HS3ST6: variants seen among roughly 807,000 people sequenced by gnomAD.
HS3ST6 encodes the protein heparan sulfate glucosamine 3-O-sulfotransferase 6.
HS3ST6 carries 13 observed loss-of-function variants against 11.0 expected under a neutral mutation model. The ratio of observed to expected loss-of-function variants is 1.18; its 90% CI spans 0.77 to 1.88. The LOEUF (loss-of-function observed/expected upper bound fraction) is 1.88. HS3ST6 is among the 40% of genes most tolerant of loss of function. The pLI is 0.00. For missense variants in HS3ST6, 541 were observed against 494.4 expected (o/e 1.09, Z -0.89); for synonymous variants, 232 against 230.6 (o/e 1.01, Z -0.06).
At position 1,912,002 on chromosome 16, in the gene HS3ST6, G is replaced by C. The variant is rs762751833; in HGVS notation, c.617C>G (p.Ala206Gly). Residue 206 changes from alanine to glycine, a missense_variant, in exon 2 of 2, where the codon GCC becomes GGC. Physicochemically the swap from Ala to Gly is moderately conservative, Grantham distance 60 (BLOSUM62 0). Transcript: ENST00000454677. The surrounding 1 kb of genome is among the most constrained non-coding windows in gnomAD (Gnocchi z 5.6). ...GCCCAGGCCGTGGCGGAAGGCCAGGGCGCGGAAGCTGGGCAGGCCCGGGGT... is the reference window on the plus strand; with the variant it reads ...GCCCAGGCCGTGGCGGAAGGCCAGGCCGCGGAAGCTGGGCAGGCCCGGGGT... ...SKTPGLPSFR[A>G]LAFRHGLGPV... 5 of 1,532,658 alleles carry C rather than the reference G, an allele frequency of 3.3e-6. No individual in the cohort carries two copies. Among genetic ancestry groups the C allele is most frequent in the Admixed American group, 4.2e-5 (2 of 47,912 alleles). 94.9% of individuals were successfully genotyped at this position (1,532,658 alleles called of 1,614,324 possible).
intron 1 of HS3ST6, among the ~76,000 whole-genome samples, chr16:1,913,015 C>A (rs1383700947): frequency 2.0e-5 from 3 of 152,206 alleles, no homozygotes; most frequent in Admixed American, 2.0e-4. Flanking sequence ...TGGTCTCGAA[C>A]TCCTGACCTC....
At position 1,912,021 on chromosome 16, in the gene HS3ST6, C is replaced by A; in HGVS notation, c.598G>T (p.Gly200Cys). The A allele has an allele frequency of 2.0e-6, 3 of 1,527,372 alleles. No homozygotes were observed. The South Asian group carries it at 3.9e-5, about 20-fold the overall frequency. The allele number at this position is 1,527,372 out of a possible 1,614,324, so 94.6% of individuals were successfully genotyped here. ...GCCAGGGCGCGGAAGCTGGGCAGGCCCGGGGTCTTGGAGAGCGTCTGGGCG... is the reference window on the plus strand; with the variant it reads ...GCCAGGGCGCGGAAGCTGGGCAGGCACGGGGTCTTGGAGAGCGTCTGGGCG... ...DYAQTLSKTP[G>C]LPSFRALAFR... is the part of the protein sequence containing the mutation. The change falls in exon 2 of 2, where the codon GGC becomes TGC. Residue 200 changes from glycine (G) to cysteine (C), a missense_variant. By Grantham distance (159) the Gly-to-Cys change is radical. Coordinates refer to ENST00000454677, the MANE Select transcript of HS3ST6 (RefSeq NM_001009606.4). This position sits in a 1 kb window ranked among gnomAD's most constrained non-coding sequence, Gnocchi z 5.6.
chr16:1,916,127 AG>A (rs1446037838), intron 1 of HS3ST6, among the ~76,000 whole-genome samples: 1 of 58,324 alleles, frequency 1.7e-5, no homozygotes, highest in East Asian at 7.5e-4. Context: ...ACGGAGGCAC[AG>A]GCACCTAGGA....
At chr16:1,919,827 T>A (rs2082951488), upstream of HS3ST6, among the ~76,000 whole-genome samples, 1 of 152,232 alleles carries the variant, frequency 6.6e-6, no homozygotes, top group East Asian at 1.9e-4. Context: ...CACCTGCTCA[T>A]CTGGGCAAGC....
In HS3ST6 at chr16:1,912,303, C is replaced by T; in HGVS notation, c.414-98G>A. The T allele has an allele frequency of 9.0e-7, 1 of 1,111,484 alleles. No individual in the cohort carries two copies. The highest frequency in any genetic ancestry group is 1.2e-6 in the Non-Finnish European group (1 of 866,212). The allele number at this position is 1,111,484 out of a possible 1,614,324, so 68.9% of individuals were successfully genotyped here. On this transcript the variant is annotated intron_variant, in intron 1 of 1. Coordinates refer to ENST00000454677, the MANE Select transcript of HS3ST6 (RefSeq NM_001009606.4). The surrounding 1 kb of genome is among the most constrained non-coding windows in gnomAD (Gnocchi z 5.6). Reference sequence around the variant, plus strand: ...AAGGCCCCCTTATGCCCGGGAAGCCCAGGCCTCCAGGGCGAGCAAGTCTTC... The same window carrying T: ...AAGGCCCCCTTATGCCCGGGAAGCCTAGGCCTCCAGGGCGAGCAAGTCTTC...
Position 1,918,222 on chromosome 16 carries a change from G to T in HS3ST6, c.102C>A (p.Leu34=). 1.9e-6 allele frequency: 2 copies of T among 1,043,286 alleles called. No homozygotes were observed. Among genetic ancestry groups the T allele is most frequent in the Non-Finnish European group, 2.3e-6 (2 of 870,004 alleles). The allele number at this position is 1,043,286 out of a possible 1,614,324, so 64.6% of individuals were successfully genotyped here. The change falls in exon 1 of 2, where the codon CTC becomes CTA. Residue 34 remains leucine (L), a synonymous_variant. Transcript: ENST00000454677. This position sits in a 1 kb window ranked among gnomAD's most constrained non-coding sequence, Gnocchi z 6.0. The part of the protein sequence containing the change: ...ALRASRAPML[L]VALVLGAYCL... ...AGTAGGCGCCGAGCACCAGGGCCAC[G>T]AGCAGCATCGGCGCGCGGGACGCCC...
upstream of HS3ST6, among the ~76,000 whole-genome samples, chr16:1,919,345 C>A (rs963904909): frequency 1.3e-4 from 20 of 152,216 alleles, no homozygotes; most frequent in African/African-American, 4.8e-4. Context: ...GTGGGACCTG[C>A]GGGGGCCGCT....
chr16:1,918,318 T>A lies in HS3ST6; in HGVS notation c.6A>T (p.Ala2=). ...CCCCGCCGCCCAGGCCGCCGCTACCTGCCATGGGGTCGCGCCGCTCCAGGC... is the reference window on the plus strand; with the variant it reads ...CCCCGCCGCCCAGGCCGCCGCTACCAGCCATGGGGTCGCGCCGCTCCAGGC... M[A]GSGGLGGGAG... Residue 2 remains alanine (A), a synonymous_variant, in exon 1 of 2, where the codon GCA becomes GCT. Transcript: ENST00000454677. This position sits in a 1 kb window ranked among gnomAD's most constrained non-coding sequence, Gnocchi z 6.0. The A allele has an allele frequency of 1.9e-6, 1 of 533,692 alleles. No individual in the cohort carries two copies. The highest frequency in any genetic ancestry group is 2.3e-6 in the Non-Finnish European group (1 of 439,424). 33.1% of individuals were successfully genotyped at this position (533,692 alleles called of 1,614,324 possible).
At position 1,915,060 on chromosome 16, in the gene HS3ST6, A is replaced by G. The variant is rs192033579; in HGVS notation, c.413+2851T>C. Reference sequence around the variant, plus strand: ...ATCTCAGCCTCCCTCCTCCTGCCCCACACCTCAGGCCTGGGACTCGCAGAT... The same window carrying G: ...ATCTCAGCCTCCCTCCTCCTGCCCCGCACCTCAGGCCTGGGACTCGCAGAT... On this transcript the variant is annotated intron_variant, in intron 1 of 1. Transcript: ENST00000454677. 5.3e-5 allele frequency among the ~76,000 whole-genome samples: 8 copies of G among 151,884 alleles called. No homozygotes were observed. The East Asian group carries it at 1.6e-3, about 30-fold the overall frequency.
At chr16:1,920,128 ATGGT>A (rs2082953727), upstream of HS3ST6, among the ~76,000 whole-genome samples, 2 of 121,152 alleles carry the variant, frequency 1.7e-5, no homozygotes, top group South Asian at 3.1e-4. Context: ...AGCCGTCCCC[ATGGT>A]CTCAGCCGTC....
intron 1 of HS3ST6, among the ~76,000 whole-genome samples, chr16:1,915,052 C>T (rs2082917095): frequency 6.6e-6 from 1 of 152,144 alleles, no homozygotes; most frequent in South Asian, 2.1e-4. Context: ...CCTCCCTCCT[C>T]CTGCCCCACA....
chr16:1,911,634 G>T lies in HS3ST6; in HGVS notation c.985C>A (p.Arg329Ser), dbSNP rs376074247. 32 of 1,608,890 alleles carry T rather than the reference G, an allele frequency of 2.0e-5. No individual in the cohort carries two copies. Among genetic ancestry groups the T allele is most frequent in the Non-Finnish European group, 2.3e-5 (27 of 1,178,018 alleles). Residue 329 changes from arginine to serine, a missense_variant, in exon 2 of 2, where the codon CGC (arginine) becomes AGC (serine). Coordinates refer to ENST00000454677, the MANE Select transcript of HS3ST6 (RefSeq NM_001009606.4). ...RLQEFYRPFN[R>S]RFYQMTGQDF... ...TGGCCCGTCATCTGGTAGAACCTGC[G>T]GTTGAAGGGCCGGTAGAACTCCTGC... is the stretch of plus-strand genomic sequence containing the variant.
At chr16:1,917,840 G>C in intron 1 of HS3ST6, 71 bp downstream of exon 1, 1 of 1,167,300 alleles carries the variant, frequency 8.6e-7, no homozygotes, top group Non-Finnish European at 1.1e-6. Context: ...ATATCGTGCC[G>C]CTGCTCCCTG....
chr16:1,917,797 C>A (rs994055387), intron 1 of HS3ST6, 114 bp downstream of exon 1: 2 of 852,248 alleles, frequency 2.3e-6, no homozygotes, highest in Admixed American at 4.1e-5. Flanking sequence ...AACCCCACTG[C>A]CCGGAGCGCA....
rs749216723 is a variant in HS3ST6 at position 1,911,602 on chromosome 16, G to A, written c.1017C>T (p.Phe339=). 2.0e-5 allele frequency: 32 copies of A among 1,602,260 alleles called. No individual in the cohort carries two copies. Among genetic ancestry groups the A allele is most frequent in the East Asian group, 6.7e-5 (3 of 44,456 alleles). Reference sequence around the variant, plus strand: ...CCCAGGGTGCCGCTCAGCCCCAGCCGAAGTCCTGGCCCGTCATCTGGTAGA... The same window carrying A: ...CCCAGGGTGCCGCTCAGCCCCAGCCAAAGTCCTGGCCCGTCATCTGGTAGA... ...RRFYQMTGQD[F]GWG The change falls in exon 2 of 2, where the codon TTC becomes TTT. Residue 339 remains phenylalanine (F), a synonymous_variant. Transcript: ENST00000454677.
chr16:1,916,638 G>T (rs2082928520), intron 1 of HS3ST6, among the ~76,000 whole-genome samples: 1 of 152,056 alleles, frequency 6.6e-6, no homozygotes, highest in Admixed American at 6.5e-5. Context: ...CCCACCCCCA[G>T]TCTCTTGCTG....
upstream of HS3ST6, among the ~76,000 whole-genome samples, chr16:1,919,291 C>T (rs956241985): frequency 5.9e-5 from 9 of 152,190 alleles, no homozygotes; most frequent in Admixed American, 5.2e-4. Flanking sequence ...AGGACCTCCC[C>T]CAGGGGCTGC....
In HS3ST6 at chr16:1,917,928, G is replaced by A. The variant is rs1399488527; in HGVS notation, c.396C>T (p.Arg132=). 6.7e-7 allele frequency: 1 copy of A among 1,485,364 alleles called. No homozygotes were observed. Among genetic ancestry groups the A allele is most frequent in the African/African-American group, 1.4e-5 (1 of 69,474 alleles). The allele number at this position is 1,485,364 out of a possible 1,614,324, so 92.0% of individuals were successfully genotyped here. ...EPHFFDRCYE[R]GLAWYRSLMP... ...GTGCTCACCGGTACCAGGCGAGGCC[G>A]CGCTCGTAGCACCTGTCGAAGAAGT... is the stretch of plus-strand genomic sequence containing the variant. The change falls in exon 1 of 2, where the codon CGC becomes CGT. Residue 132 remains arginine, a synonymous_variant. Transcript: ENST00000454677.
intron 1 of HS3ST6, among the ~76,000 whole-genome samples, chr16:1,915,902 G>C (rs78371105): frequency 1.5e-5 from 2 of 132,342 alleles, no homozygotes; most frequent in Non-Finnish European, 1.7e-5. Context: ...GAACTAGGTC[G>C]GTCACAGCCC....
Sources: allele counts gnomAD v4.1 joint callset (sites outside exome capture counted in the v4.1 genomes callset), GRCh38; gene constraint gnomAD v4.1.1; non-coding constraint Gnocchi (gnomAD v3.1); transcripts MANE v1.5; gene names NCBI Gene and HGNC (gene_info 2026-07-23, HGNC 2026-07-21).